FGF12: variants seen among roughly 807,000 people sequenced by gnomAD.
FGF12 encodes fibroblast growth factor 12B.
In FGF12, 14 loss-of-function variants were observed where a neutral mutation model predicts 23.6. The ratio of observed to expected loss-of-function variants is 0.59; its 90% confidence interval spans 0.39 to 0.93. The LOEUF (loss-of-function observed/expected upper bound fraction) is 0.93, where lower values mean the gene tolerates loss of function less well. FGF12 is among the 40% of genes least tolerant of loss of function. The pLI is 0.00. For missense variants in FGF12, 175 were observed against 217.8 expected, an observed-to-expected ratio of 0.80 and a Z score of 1.24; for synonymous variants, 62 against 77.3, an observed-to-expected ratio of 0.80 and a Z score of 1.04.
At position 192,537,260 on chromosome 3, in the gene FGF12, C is replaced by T. The variant is rs370172653; in HGVS notation, c.14-176722G>A. The stretch of plus-strand genomic sequence containing the variant: ...GCTATTGGGAATAGTGTTACTATAA[C>T]ATGAGGGTGTAGAAATCTCTTTGAT... On this transcript the variant is annotated intron_variant, in intron 2 of 5. Transcript: ENST00000445105. Among the ~76,000 whole-genome samples, 7 of 152,224 alleles carry T rather than the reference C, an allele frequency of 4.6e-5. No individual in the cohort carries two copies. In the East Asian group the frequency reaches 1.2e-3, roughly 25 times the overall value.
chr3:192,155,056 G>A (rs1182410282), intron 5 of FGF12, among the ~76,000 whole-genome samples: 6 of 150,932 alleles, frequency 4.0e-5, no homozygotes, highest in East Asian at 2.0e-4. Context: ...CGCAATATTC[G>A]GGTGGGAGTG....
chr3:192,537,323 T>C (rs752326207), intron 2 of FGF12, among the ~76,000 whole-genome samples: 2 of 152,174 alleles, frequency 1.3e-5, no homozygotes, highest in Non-Finnish European at 2.9e-5. Context: ...TACCTAGTAA[T>C]GGGATTGTGG....
At chr3:192,567,806 T>C (rs908560225) in intron 2 of FGF12, among the ~76,000 whole-genome samples, 1 of 147,178 alleles carries the variant, frequency 6.8e-6, no homozygotes, top group Non-Finnish European at 1.5e-5. Context: ...TCTTTCTCTT[T>C]CTTTCTTTCT....
intron 4 of FGF12, among the ~76,000 whole-genome samples, chr3:192,179,285 A>G (rs1294991443): frequency 6.6e-6 from 1 of 152,214 alleles, no homozygotes; most frequent in Non-Finnish European, 1.5e-5. Context: ...TTTTACTGGA[A>G]AACTACTGAG....
rs1419992237 is a variant in FGF12 at position 192,409,983 on chromosome 3, C to T, written c.14-49445G>A. ...CCCATTCATGGGCTGAGGCTCTGGG[C>T]GCGCGGAGCCGCCGCCGCCCCTCCG... On this transcript the variant is annotated intron_variant, in intron 2 of 5. Transcript: ENST00000445105. The surrounding 1 kb of genome is among the most constrained non-coding windows in gnomAD (Gnocchi z 4.8). Among the ~76,000 whole-genome samples, 1 of 151,902 alleles carries T rather than the reference C, an allele frequency of 6.6e-6. No individual in the cohort carries two copies. The highest frequency in any genetic ancestry group is 1.5e-5 in the Non-Finnish European group (1 of 67,930).
At chr3:192,716,204 G>A (rs1265402143) in intron 2 of FGF12, among the ~76,000 whole-genome samples, 1 of 152,146 alleles carries the variant, frequency 6.6e-6, no homozygotes, top group African/African-American at 2.4e-5. Context: ...AAACCCTAGG[G>A]GTGGGGCCCA....
intron 4 of FGF12, among the ~76,000 whole-genome samples, chr3:192,319,594 C>CAAATAAATAAATAAAT (rs556846919): frequency 6.4e-4 from 97 of 151,464 alleles, no homozygotes; most frequent in African/African-American, 2.2e-3. Context: ...AAGACTGTCT[C>CAAATAAATAAATAAAT]AAATAAATAA....
At chr3:192,342,875 C>T (rs1184090977) in intron 3 of FGF12, among the ~76,000 whole-genome samples, 1 of 152,138 alleles carries the variant, frequency 6.6e-6, no homozygotes, top group Non-Finnish European at 1.5e-5. Flanking sequence ...AGCTTAATTT[C>T]TACCTGTACA....
intron 2 of FGF12, among the ~76,000 whole-genome samples, chr3:192,588,567 A>G (rs1264278731): frequency 6.6e-6 from 1 of 151,906 alleles, no homozygotes; most frequent in Non-Finnish European, 1.5e-5. Flanking sequence ...ATTTTATAAT[A>G]ATGCTAATTT....
At chr3:192,157,789 G>C (rs953131722) in intron 5 of FGF12, among the ~76,000 whole-genome samples, 3 of 152,176 alleles carry the variant, frequency 2.0e-5, no homozygotes, top group African/African-American at 7.2e-5. Flanking sequence ...CGGGTGCCAA[G>C]TACCATCCTA....
At chr3:192,713,979 C>T (rs1718779184) in intron 2 of FGF12, among the ~76,000 whole-genome samples, 2 of 152,236 alleles carry the variant, frequency 1.3e-5, no homozygotes, top group African/African-American at 4.8e-5. Context: ...TAAGCAAACT[C>T]GAATCCATCA....
At chr3:192,431,779 C>T (rs958646389) in intron 2 of FGF12, among the ~76,000 whole-genome samples, 2 of 152,184 alleles carry the variant, frequency 1.3e-5, no homozygotes, top group African/African-American at 4.8e-5. Context: ...CTAAACTCAA[C>T]ATGTCAAATC....
In FGF12 at chr3:192,464,631, T is replaced by C. The variant is rs1235084842; in HGVS notation, c.14-104093A>G. 8.5e-5 allele frequency among the ~76,000 whole-genome samples: 13 copies of C among 152,058 alleles called. 1 individual carries two copies. The highest frequency in any genetic ancestry group is 8.5e-4 in the Admixed American group (13 of 15,254). On this transcript the variant is annotated intron_variant, in intron 2 of 5. Coordinates refer to ENST00000445105, the MANE Select transcript of FGF12 (RefSeq NM_004113.6). Reference sequence around the variant, plus strand: ...CAATTGCTAATTGTAATGACATGCATGTGCAAGTCTCTTTTTCACATAATG... The same window carrying C: ...CAATTGCTAATTGTAATGACATGCACGTGCAAGTCTCTTTTTCACATAATG...
chr3:192,253,706 C>T lies in FGF12; in HGVS notation c.228+81655G>A, dbSNP rs540515459. Among the ~76,000 whole-genome samples, 184 of 151,988 alleles carry T rather than the reference C, an allele frequency of 1.2e-3. 1 individual carries two copies. The highest frequency in any genetic ancestry group is 4.8e-3 in the Admixed American group (73 of 15,246). On this transcript the variant is annotated intron_variant, in intron 4 of 5. Coordinates refer to ENST00000445105, the MANE Select transcript of FGF12 (RefSeq NM_004113.6). ...CCTCTCATATCAATCCAGAGAAAGT[C>T]GGATGTTTTCCTGAGACTCTCGGCA...
At chr3:192,334,266 A>G (rs1717277720) in intron 4 of FGF12, among the ~76,000 whole-genome samples, 1 of 152,122 alleles carries the variant, frequency 6.6e-6, no homozygotes, top group African/African-American at 2.4e-5. Context: ...TGCAGCATGT[A>G]AAAACACCAT....
chr3:192,537,199 T>A (rs1725244993), intron 2 of FGF12, among the ~76,000 whole-genome samples: 1 of 152,230 alleles, frequency 6.6e-6, no homozygotes, highest in African/African-American at 2.4e-5. Context: ...CATCCATTTG[T>A]CTGTTGGTGG....
chr3:192,383,723 G>T (rs539552958), intron 2 of FGF12, among the ~76,000 whole-genome samples: 2 of 152,134 alleles, frequency 1.3e-5, no homozygotes, highest in Admixed American at 6.6e-5. Context: ...GTACATGCTT[G>T]TTTAAACATG....
intron 2 of FGF12, among the ~76,000 whole-genome samples, chr3:192,654,008 G>A (rs895229975): frequency 6.6e-6 from 1 of 152,196 alleles, no homozygotes; most frequent in South Asian, 2.1e-4. Flanking sequence ...TTACAGGCAT[G>A]AGCCACAGCA....
intron 4 of FGF12, among the ~76,000 whole-genome samples, chr3:192,271,488 C>T (rs1261076258): frequency 6.6e-6 from 1 of 152,154 alleles, no homozygotes; most frequent in East Asian, 1.9e-4. Flanking sequence ...TTTAAACTCC[C>T]ATCAGCGTAT....
Sources: gnomAD v4.1 joint callset for allele counts (sites outside exome capture counted in the v4.1 genomes callset) on GRCh38, gnomAD v4.1.1 for gene constraint, Gnocchi (gnomAD v3.1) non-coding constraint, MANE v1.5 for transcripts, NCBI Gene and HGNC (gene_info 2026-07-23, HGNC 2026-07-21) for gene names.